Variants in CEP135 observed in about 807,000 individuals in gnomAD.
CEP135 encodes centrosomal protein 135, also known as centrosomal protein of 135 kDa.
CEP135 carries 142 observed loss-of-function variants against 157.3 expected under a neutral mutation model. The ratio of observed to expected loss-of-function variants is 0.90; its 90% CI spans 0.79 to 1.04. The LOEUF (loss-of-function observed/expected upper bound fraction) is 1.04. Ranked by LOEUF, CEP135 falls within the 50% of genes least tolerant of loss-of-function variation. CEP135 has a pLI of 0.00. For missense variants in CEP135, 1,317 were observed against 1,309.2 expected (o/e 1.01, Z -0.09); for synonymous variants, 396 against 439.8 (o/e 0.90, Z 1.25).
At position 56,017,630 on chromosome 4, in the gene CEP135, T is replaced by G. The variant is rs755929169; in HGVS notation, c.2803-18T>G. 1 of 1,552,090 alleles carries G rather than the reference T, an allele frequency of 6.4e-7. No individual in the cohort carries two copies. The highest frequency in any genetic ancestry group is 8.7e-7 in the Non-Finnish European group (1 of 1,150,626). ...TGGGTTATTTTAACTTTTTACTTGTTTCTTTTTCTTTTTTCAGCACATAAA... is the reference window on the plus strand; with the variant it reads ...TGGGTTATTTTAACTTTTTACTTGTGTCTTTTTCTTTTTTCAGCACATAAA... On this transcript the variant is annotated intron_variant, in intron 21 of 25. Coordinates refer to ENST00000257287, the MANE Select transcript of CEP135 (RefSeq NM_025009.5).
Position 56,009,885 on chromosome 4 carries a change from A to G in CEP135, c.2487A>G (p.Thr829=). 1 of 1,613,312 alleles carries G rather than the reference A, an allele frequency of 6.2e-7. No homozygotes were observed. The highest frequency in any genetic ancestry group is 8.5e-7 in the Non-Finnish European group (1 of 1,179,850). The change falls in exon 19 of 26, where the codon ACA becomes ACG. Residue 829 remains threonine (T), a synonymous_variant. Coordinates refer to ENST00000257287, the MANE Select transcript of CEP135 (RefSeq NM_025009.5). ...ENRRLQDDLA[T]MARENQEISL... is the part of the protein sequence containing the mutation. ...GAAGACTGCAAGATGACCTGGCTAC[A>G]ATGGCAAGAGAAAATCAAGTATGAA...
chr4:56,008,955 T>C lies in CEP135; in HGVS notation c.2336+573T>C, dbSNP rs537741342. ...CTCTGTCGCACAGGCTGGAGTGTAGTGGCGAGATCTCTGCTCACGGCAACC... is the reference window on the plus strand; with the variant it reads ...CTCTGTCGCACAGGCTGGAGTGTAGCGGCGAGATCTCTGCTCACGGCAACC... On this transcript the variant is annotated intron_variant, in intron 18 of 25. Transcript: ENST00000257287. Among the ~76,000 whole-genome samples, 3 of 152,328 alleles carry C rather than the reference T, an allele frequency of 2.0e-5. No individual in the cohort carries two copies. In the East Asian group the frequency reaches 5.8e-4, roughly 29 times the overall value.
chr4:56,018,384 G>A (rs983233915), intron 22 of CEP135, among the ~76,000 whole-genome samples: 1 of 152,060 alleles, frequency 6.6e-6, no homozygotes, highest in African/African-American at 2.4e-5. Flanking sequence ...GTAATGTTTT[G>A]GAATAGATGG....
chr4:55,954,519 C>T (rs1185949907), intron 4 of CEP135, 136 bp downstream of exon 4: 17 of 596,146 alleles, frequency 2.9e-5, no homozygotes, highest in African/African-American at 5.8e-5. Flanking sequence ...TTGAATAGAC[C>T]GTAAACTTCT....
At chr4:56,031,056 T>C (rs1731326620) in intron 25 of CEP135, among the ~76,000 whole-genome samples, 1 of 144,666 alleles carries the variant, frequency 6.9e-6, no homozygotes, top group South Asian at 2.2e-4. Flanking sequence ...CACTTGAGTA[T>C]GGGAGATCAA....
At chr4:55,980,054 T>C in intron 11 of CEP135, 89 bp from the exon 12 acceptor site, 1 of 1,070,124 alleles carries the variant, frequency 9.3e-7, no homozygotes, top group Admixed American at 2.3e-5. Context: ...TCTTTTTGTC[T>C]GGTAGCATCT....
chr4:55,972,491 T>C (rs914104707), intron 10 of CEP135, among the ~76,000 whole-genome samples: 45 of 152,304 alleles, frequency 3.0e-4, no homozygotes, highest in African/African-American at 1.1e-3. Flanking sequence ...CTTGGTACCA[T>C]CAAACTCTGT....
intron 2 of CEP135, 141 bp from the exon 3 acceptor site, chr4:55,952,944 C>T (rs909186360): frequency 1.6e-6 from 1 of 635,552 alleles, no homozygotes; most frequent in East Asian, 3.2e-5. Context: ...GGACTACTCT[C>T]CTTCCTATAT....
intron 24 of CEP135, among the ~76,000 whole-genome samples, chr4:56,022,369 GA>G (rs1297058976): frequency 6.6e-6 from 1 of 151,898 alleles, no homozygotes; most frequent in Non-Finnish European, 1.5e-5. Flanking sequence ...TCCTCCAAGG[GA>G]AAAAATTGTT....
In CEP135 at chr4:55,971,355, T is replaced by C. The variant is rs1729020962; in HGVS notation, c.1196T>C (p.Leu399Pro). 2 of 1,606,158 alleles carry C rather than the reference T, an allele frequency of 1.2e-6. No individual in the cohort carries two copies. The highest frequency in any genetic ancestry group is 1.1e-5 in the South Asian group (1 of 89,758). The stretch of plus-strand genomic sequence containing the variant: ...GACCTAGAAACTGTTGTTCATCAGC[T>C]TGAACAAGAAAAGCAAAGACTTAGC... ...KSDLETVVHQ[L>P]EQEKQRLSKK... Residue 399 changes from leucine to proline, a missense_variant, in exon 10 of 26, where the codon CTT becomes CCT. Physicochemically the swap from Leu to Pro is moderately conservative, Grantham distance 98 (BLOSUM62 -3). Coordinates refer to ENST00000257287, the MANE Select transcript of CEP135 (RefSeq NM_025009.5).
In CEP135 at chr4:55,957,217, T is replaced by G; in HGVS notation, c.473-6T>G. 1 of 1,610,938 alleles carries G rather than the reference T, an allele frequency of 6.2e-7. No homozygotes were observed. Among genetic ancestry groups the G allele is most frequent in the South Asian group, 1.1e-5 (1 of 90,034 alleles). Reference sequence around the variant, plus strand: ...CTTAGTTTTTTAAGACACTCATTCTTTTTAGGTGGCAAGAAAAGAAGTATT... The same window carrying G: ...CTTAGTTTTTTAAGACACTCATTCTGTTTAGGTGGCAAGAAAAGAAGTATT... On this transcript the variant is annotated splice_region_variant and splice_polypyrimidine_tract_variant and intron_variant, in intron 4 of 25. Transcript: ENST00000257287.
chr4:55,993,811 GT>G (rs1242730060), intron 15 of CEP135, among the ~76,000 whole-genome samples: 1 of 152,140 alleles, frequency 6.6e-6, no homozygotes, highest in African/African-American at 2.4e-5. Flanking sequence ...CTCCTTTGGA[GT>G]TTTATTTCTT....
chr4:56,024,381 A>AT, intron 24 of CEP135, 120 bp from the exon 25 acceptor site: 1 of 618,588 alleles, frequency 1.6e-6, no homozygotes, highest in Non-Finnish European at 2.8e-6. Flanking sequence ...TAGGATTTAA[A>AT]TTTAATAGTA....
chr4:55,988,527 G>T (rs1424908912), intron 14 of CEP135, among the ~76,000 whole-genome samples: 1 of 152,122 alleles, frequency 6.6e-6, no homozygotes, highest in Admixed American at 6.5e-5. Context: ...AGGTGAGGTG[G>T]CACGCGCCTG....
intron 4 of CEP135, among the ~76,000 whole-genome samples, chr4:55,956,457 A>G (rs1207684555): frequency 6.6e-6 from 1 of 152,236 alleles, no homozygotes; most frequent in Non-Finnish European, 1.5e-5. Context: ...TTTATATTAT[A>G]GATGACATTC....
At chr4:56,008,187 T>C in intron 17 of CEP135, 140 bp from the exon 18 acceptor site, 1 of 601,104 alleles carries the variant, frequency 1.7e-6, no homozygotes, top group Non-Finnish European at 2.9e-6. Flanking sequence ...GACATGGAGA[T>C]ATGTTTACTT....
intron 7 of CEP135, 31 bp downstream of exon 7, chr4:55,964,433 G>T: frequency 6.6e-7 from 1 of 1,525,602 alleles, no homozygotes; most frequent in Non-Finnish European, 9.0e-7. Flanking sequence ...TTCACTGAGT[G>T]TATATAATGG....
intron 21 of CEP135, 104 bp downstream of exon 21, chr4:56,012,089 A>T: frequency 2.6e-6 from 2 of 759,136 alleles, no homozygotes; most frequent in Non-Finnish European, 1.9e-6. Context: ...ATGAAGTCTG[A>T]CTCTGTTGCC....
chr4:55,990,973 A>G (rs533599360), intron 14 of CEP135, among the ~76,000 whole-genome samples: 1 of 151,268 alleles, frequency 6.6e-6, no homozygotes, highest in South Asian at 2.1e-4. Flanking sequence ...TGTTCTAATT[A>G]TAATAACTTT....
Sources: allele counts gnomAD v4.1 joint callset (sites outside exome capture counted in the v4.1 genomes callset), GRCh38; gene constraint gnomAD v4.1.1; transcripts MANE v1.5; gene names NCBI Gene and HGNC (gene_info 2026-07-23, HGNC 2026-07-21).